TBK1: variants seen among roughly 807,000 people sequenced by gnomAD.
The protein encoded by TBK1 is serine/threonine-protein kinase TBK1.
A neutral mutation model predicts 99.9 loss-of-function variants in TBK1; 37 were observed. The observed-to-expected ratio is 0.37, with a 90% CI of 0.28 to 0.49. The LOEUF is 0.49. Among genes scored for constraint, TBK1 ranks in the 20% least tolerant of loss-of-function variants. The pLI, the probability that TBK1 is intolerant of heterozygous loss-of-function variation, is 0.98. For synonymous variants in TBK1, 258 were observed against 279.8 expected (o/e 0.92, Z 0.78); for missense variants, 644 against 872.5 (o/e 0.74, Z 3.30).
At chr12:64,467,946 A>G (rs190623051) in intron 5 of TBK1, among the ~76,000 whole-genome samples, 130 of 152,142 alleles carry the variant, frequency 8.5e-4, no homozygotes, top group Non-Finnish European at 4.7e-4. Flanking sequence ...TATAATTCCA[A>G]CACTTTGGGA....
chr12:64,472,894 C>T (rs2040676092), intron 5 of TBK1, among the ~76,000 whole-genome samples: 1 of 152,182 alleles, frequency 6.6e-6, no homozygotes, highest in Admixed American at 6.5e-5. Context: ...GCAGGTTGGA[C>T]AAGCTTGGTG....
intron 15 of TBK1, chr12:64,496,044 T>A (rs2040922196): frequency 2.6e-6 from 1 of 388,626 alleles, no homozygotes; most frequent in African/African-American, 2.1e-5. Flanking sequence ...GATTGGCCAG[T>A]GGGGACTCAT....
intron 2 of TBK1, among the ~76,000 whole-genome samples, chr12:64,456,629 A>G (rs980852666): frequency 7.2e-5 from 11 of 152,116 alleles, no homozygotes; most frequent in Admixed American, 2.0e-4. Context: ...TCACGAGGTC[A>G]GGAGATCGAG....
Position 64,456,875 on chromosome 12 carries a change from T to C in TBK1, c.87+918T>C, listed in dbSNP as rs141495176. On this transcript the variant is annotated intron_variant, in intron 2 of 20. Coordinates refer to ENST00000331710, the MANE Select transcript of TBK1 (RefSeq NM_013254.4). ...AAAAAAGGATTTTGTTTAGATTCAA[T>C]GTGGAGGATGAAATTTAAAATAGTT... Among the ~76,000 whole-genome samples the C allele has an allele frequency of 3.1e-4, 47 of 149,444 alleles. No individual in the cohort carries two copies. In the East Asian group the frequency reaches 8.8e-3, roughly 28 times the overall value.
At chr12:64,482,161 A>G (rs1313553541) in intron 8 of TBK1, 140 bp downstream of exon 8, 6 of 486,116 alleles carry the variant, frequency 1.2e-5, no homozygotes, top group Non-Finnish European at 2.0e-5. Flanking sequence ...TTAAGTGCTT[A>G]GTAAATTCCT....
intron 3 of TBK1, among the ~76,000 whole-genome samples, chr12:64,462,056 C>T (rs1024299353): frequency 1.3e-5 from 2 of 152,162 alleles, no homozygotes; most frequent in Non-Finnish European, 2.9e-5. Context: ...CATTTATTGC[C>T]TGTATTGCTG....
intron 5 of TBK1, among the ~76,000 whole-genome samples, chr12:64,470,175 T>C (rs2040647544): frequency 6.6e-6 from 1 of 152,164 alleles, no homozygotes; most frequent in South Asian, 2.1e-4. Context: ...GGCTAGTAGT[T>C]TAAACCCTGT....
At chr12:64,461,039 C>G (rs2040543622) in intron 3 of TBK1, among the ~76,000 whole-genome samples, 1 of 150,122 alleles carries the variant, frequency 6.7e-6, no homozygotes, top group African/African-American at 2.5e-5. Flanking sequence ...CATATTGTGC[C>G]ACTGTACTCT....
chr12:64,452,917 C>T (rs2040443191), intron 1 of TBK1: 1 of 152,178 alleles, frequency 6.6e-6, no homozygotes, highest in African/African-American at 2.4e-5. Context: ...CACTCTGAAA[C>T]CCCAGTGTAT....
intron 6 of TBK1, among the ~76,000 whole-genome samples, chr12:64,478,553 GT>G (rs1167022016): frequency 1.3e-5 from 2 of 152,216 alleles, no homozygotes; most frequent in East Asian, 1.9e-4. Flanking sequence ...GGAGAAGCAT[GT>G]TTTTCCTTTT....
At chr12:64,495,218 T>G (rs1305611975) in intron 13 of TBK1, 1 of 255,298 alleles carries the variant, frequency 3.9e-6, no homozygotes, top group Admixed American at 5.2e-5. Flanking sequence ...AGAAGTATTT[T>G]ACATGTGGTT....
At chr12:64,479,891 A>G (rs548448948) in intron 6 of TBK1, 121 bp from the exon 7 acceptor site, 29 of 606,034 alleles carry the variant, frequency 4.8e-5, no homozygotes, top group South Asian at 3.6e-4. Context: ...GTGAGCATCA[A>G]TCACAAAGTT....
intron 5 of TBK1, among the ~76,000 whole-genome samples, chr12:64,470,781 G>A (rs1206561568): frequency 6.6e-6 from 1 of 152,148 alleles, no homozygotes; most frequent in Non-Finnish European, 1.5e-5. Context: ...GCAAACAGCA[G>A]TCCTGTACCA....
At chr12:64,474,438 T>A (rs745736163) in intron 6 of TBK1, 48 bp downstream of exon 6, 5 of 1,555,480 alleles carry the variant, frequency 3.2e-6, no homozygotes, top group Non-Finnish European at 4.4e-6. Context: ...AAAAAATGAT[T>A]TCTGTCTTGG....
rs6581570 is a variant in TBK1 at position 64,497,491 on chromosome 12, A to G, written c.1960-157A>G. Among the ~76,000 whole-genome samples the G allele has an allele frequency of 0.14, 20,810 of 152,142 alleles. 1,665 individuals carry two copies. The highest frequency in any genetic ancestry group is 0.35 in the East Asian group (1,834 of 5,176). On this transcript the variant is annotated intron_variant, in intron 18 of 20. Transcript: ENST00000331710. ...TTCTTTCTTAAAAGGGTGTTGATTT[A>G]AGTATTGTATCATCGATAGTTTTGA...
At chr12:64,474,466 G>T in intron 6 of TBK1, 76 bp downstream of exon 6, 22 of 1,341,724 alleles carry the variant, frequency 1.6e-5, no homozygotes, top group South Asian at 5.9e-5. Context: ...TATTGTTAGT[G>T]GTTTATGCTA....
Position 64,467,093 on chromosome 12 carries a change from T to C in TBK1, c.540+11T>C. On this transcript the variant is annotated intron_variant, in intron 5 of 20. Coordinates refer to ENST00000331710, the MANE Select transcript of TBK1 (RefSeq NM_013254.4). Reference sequence around the variant, plus strand: ...ACAGAAGAATATTTGGTAAGTCATGTATCACTAATATTTTCATTTAAAGAA... The same window carrying C: ...ACAGAAGAATATTTGGTAAGTCATGCATCACTAATATTTTCATTTAAAGAA... The C allele has an allele frequency of 6.5e-7, 1 of 1,534,654 alleles. No individual in the cohort carries two copies. The highest frequency in any genetic ancestry group is 8.8e-7 in the Non-Finnish European group (1 of 1,136,582).
At chr12:64,472,916 A>G (rs2040676349) in intron 5 of TBK1, among the ~76,000 whole-genome samples, 1 of 152,170 alleles carries the variant, frequency 6.6e-6, no homozygotes, top group South Asian at 2.1e-4. Flanking sequence ...AATATGTCCT[A>G]TGTGTAAGGA....
intron 13 of TBK1, among the ~76,000 whole-genome samples, chr12:64,494,258 G>A (rs774999323): frequency 2.1e-4 from 32 of 151,366 alleles, no homozygotes; most frequent in Non-Finnish European, 2.8e-4. Context: ...GAGCTCAGGG[G>A]TTCAAGACCA....
Sources: allele counts gnomAD v4.1 joint callset (sites outside exome capture counted in the v4.1 genomes callset), GRCh38; gene constraint gnomAD v4.1.1; transcripts MANE v1.5; gene names NCBI Gene and HGNC (gene_info 2026-07-23, HGNC 2026-07-21).